The following PCDHAC1 variants were observed in gnomAD, a reference collection of about 807,000 sequenced individuals.
PCDHAC1 encodes the protein protocadherin alpha-C1.
In PCDHAC1, 42 loss-of-function variants were observed where a neutral mutation model predicts 60.0. The observed-to-expected ratio is 0.70, with a 90% CI of 0.55 to 0.90. The LOEUF (loss-of-function observed/expected upper bound fraction) is 0.90. Among genes scored for constraint, PCDHAC1 ranks in the 40% least tolerant of loss-of-function variants. PCDHAC1 has a pLI of 0.00. For missense variants in PCDHAC1, 1,160 were observed against 1,222.3 expected, an observed-to-expected ratio of 0.95 and a Z score of 0.76; for synonymous variants, 468 against 499.3, an observed-to-expected ratio of 0.94 and a Z score of 0.84.
chr5:140,945,887 A>G (rs1291923718), intron 1 of PCDHAC1, among the ~76,000 whole-genome samples: 2 of 152,132 alleles, frequency 1.3e-5, no homozygotes, highest in Admixed American at 1.3e-4. Flanking sequence ...AACAAAGAAA[A>G]CACAGTGGGA....
chr5:140,930,358 T>A (rs1253370170), intron 1 of PCDHAC1: 1 of 152,216 alleles, frequency 6.6e-6, no homozygotes, highest in African/African-American at 2.4e-5. Context: ...AATATTTCAA[T>A]TTATCTGTTA....
In PCDHAC1 at chr5:141,009,951, A is replaced by G. The variant is rs2303646; in HGVS notation, c.*14A>G. On this transcript the variant is annotated 3_prime_UTR_variant, in exon 4 of 4. Coordinates refer to ENST00000253807, the MANE Select transcript of PCDHAC1 (RefSeq NM_018898.5). ...AGTGACCAGTGAGGTCCTCAAATGGAAACAAGCCACTTAGCCAGTTTTTGT... is the reference window on the plus strand; with the variant it reads ...AGTGACCAGTGAGGTCCTCAAATGGGAACAAGCCACTTAGCCAGTTTTTGT... 5,767 of 1,593,458 alleles carry G rather than the reference A, an allele frequency of 3.6e-3. 231 individuals are homozygous for G. In the East Asian group the frequency reaches 0.095, roughly 26 times the overall value.
chr5:140,987,453 A>C (rs2097255093), intron 3 of PCDHAC1, among the ~76,000 whole-genome samples: 1 of 152,106 alleles, frequency 6.6e-6, no homozygotes, highest in South Asian at 2.1e-4. Context: ...CCGAGAGATA[A>C]TTGTTAAGAG....
At chr5:140,973,980 A>G (rs1554235707) in intron 1 of PCDHAC1, among the ~76,000 whole-genome samples, 1 of 152,248 alleles carries the variant, frequency 6.6e-6, no homozygotes, top group African/African-American at 2.4e-5. Flanking sequence ...TGGCTTTTAC[A>G]GAACTTCACC....
At chr5:140,930,209 T>C (rs752393887) in intron 1 of PCDHAC1, 4 of 152,266 alleles carry the variant, frequency 2.6e-5, no homozygotes, top group Non-Finnish European at 5.9e-5. Flanking sequence ...GAAATATTTA[T>C]GTGTTCAAAG....
intron 1 of PCDHAC1, among the ~76,000 whole-genome samples, chr5:140,939,735 G>A (rs2092448026): frequency 6.6e-6 from 1 of 152,174 alleles, no homozygotes; most frequent in South Asian, 2.1e-4. Flanking sequence ...GTGTGTAGCT[G>A]TGTATCATTC....
chr5:140,935,957 A>G (rs1427987096), intron 1 of PCDHAC1, among the ~76,000 whole-genome samples: 5 of 150,604 alleles, frequency 3.3e-5, no homozygotes, highest in African/African-American at 1.2e-4. Context: ...AAGTGGTACA[A>G]TCTTGGCTCA....
Position 140,969,025 on chromosome 5 carries a change from T to G in PCDHAC1, c.2434-9924T>G, listed in dbSNP as rs1554231368. On this transcript the variant is annotated intron_variant, in intron 1 of 3. Transcript: ENST00000253807. ...TCTGTGGAGTAAGGGAAAGGTCCCC[T>G]GCAGAACTGTACAAACAAGCCAACA... The G allele has an allele frequency of 1.9e-6, 3 of 1,614,178 alleles. No individual in the cohort carries two copies. The East Asian group carries it at 6.7e-5, about 36-fold the overall frequency.
chr5:140,969,385 C>T, intron 1 of PCDHAC1: 1 of 1,598,120 alleles, frequency 6.3e-7, no homozygotes, highest in Non-Finnish European at 8.5e-7. Flanking sequence ...TTACACATCC[C>T]CCAATATCCT....
rs1441503834 is a variant in PCDHAC1, at chr5:140,926,325, T to C, written c.-568T>C. On this transcript the variant is annotated 5_prime_UTR_variant, in exon 1 of 4. Transcript: ENST00000253807. Reference sequence around the variant, plus strand: ...TCTCCGCCGGAGAGGTGCGCCGGGGTCAGAGCGCCGGGACCCGACGCGCGG... The same window carrying C: ...TCTCCGCCGGAGAGGTGCGCCGGGGCCAGAGCGCCGGGACCCGACGCGCGG... The C allele has an allele frequency of 6.6e-6, 1 of 151,866 alleles. No individual in the cohort carries two copies. Among genetic ancestry groups the C allele is most frequent in the African/African-American group, 2.4e-5 (1 of 41,262 alleles). The allele number at this position is 151,866 out of a possible 1,614,324, so 9.4% of individuals were successfully genotyped here. A position where few individuals can be genotyped will look rare whatever the true frequency, so the allele number is the denominator to read the frequency against.
chr5:141,000,828 G>A (rs1244334845), intron 3 of PCDHAC1, among the ~76,000 whole-genome samples: 2 of 151,966 alleles, frequency 1.3e-5, no homozygotes, highest in African/African-American at 4.8e-5. Flanking sequence ...GATCACTTGA[G>A]TCCAGGAGAT....
intron 1 of PCDHAC1, among the ~76,000 whole-genome samples, chr5:140,958,932 C>T (rs2095452700): frequency 8.5e-6 from 1 of 118,160 alleles, no homozygotes; most frequent in South Asian, 2.5e-4. Flanking sequence ...GTGGCTCATA[C>T]TTGTAATAAT....
At chr5:140,998,645 A>T (rs1020510258) in intron 3 of PCDHAC1, among the ~76,000 whole-genome samples, 12 of 151,600 alleles carry the variant, frequency 7.9e-5, no homozygotes, top group Non-Finnish European at 1.6e-4. Context: ...GCTCACTGCA[A>T]CCTCTGCCTC....
At chr5:140,936,212 A>C (rs1294255399) in intron 1 of PCDHAC1, among the ~76,000 whole-genome samples, 1 of 152,126 alleles carries the variant, frequency 6.6e-6, no homozygotes, top group African/African-American at 2.4e-5. Context: ...TTTTTTATTT[A>C]GTATTCTTTC....
intron 1 of PCDHAC1, among the ~76,000 whole-genome samples, chr5:140,977,005 A>C (rs982594376): frequency 3.3e-5 from 5 of 152,156 alleles, no homozygotes; most frequent in Non-Finnish European, 5.9e-5. Flanking sequence ...AAATCTTGTA[A>C]CTGTGATTCT....
At chr5:140,950,384 T>C (rs1242946878) in intron 1 of PCDHAC1, among the ~76,000 whole-genome samples, 8 of 152,028 alleles carry the variant, frequency 5.3e-5, no homozygotes, top group Non-Finnish European at 8.8e-5. Context: ...TCCATTTGAA[T>C]GATATAGAAT....
At chr5:140,979,399 G>T (rs1352440599) in intron 2 of PCDHAC1, among the ~76,000 whole-genome samples, 1 of 151,708 alleles carries the variant, frequency 6.6e-6, no homozygotes. Flanking sequence ...CATACATGTT[G>T]TCTACCTTGT....
intron 1 of PCDHAC1, among the ~76,000 whole-genome samples, chr5:140,975,683 G>A (rs1226769029): frequency 2.0e-5 from 3 of 151,934 alleles, no homozygotes; most frequent in Non-Finnish European, 2.9e-5. Context: ...AATAAAATAG[G>A]GTATTTTAAA....
intron 3 of PCDHAC1, among the ~76,000 whole-genome samples, chr5:141,001,157 A>T (rs1554258022): frequency 6.6e-6 from 1 of 152,136 alleles, no homozygotes; most frequent in African/African-American, 2.4e-5. Flanking sequence ...TGATCTTAAT[A>T]AGTAAAATTT....
Sources: allele counts gnomAD v4.1 joint callset (sites outside exome capture counted in the v4.1 genomes callset), GRCh38; gene constraint gnomAD v4.1.1; transcripts MANE v1.5; gene names NCBI Gene and HGNC (gene_info 2026-07-23, HGNC 2026-07-21).